Variants in CENPK observed in about 807,000 individuals in gnomAD.
CENPK encodes centromere protein K.
CENPK carries 46 observed loss-of-function variants against 40.9 expected under a neutral mutation model. That is an observed-to-expected ratio of 1.13 (90% CI 0.89 to 1.44). CENPK has a LOEUF of 1.44. Ranked by LOEUF, CENPK falls within the 40% of genes most tolerant of loss-of-function variation. CENPK has a pLI of 0.00. For synonymous variants in CENPK, 107 were observed against 104.4 expected, an observed-to-expected ratio of 1.02 and a Z score of -0.15; for missense variants, 288 against 303.5, an observed-to-expected ratio of 0.95 and a Z score of 0.38.
At chr5:65,514,907 T>C (rs1742756179), downstream of CENPK, among the ~76,000 whole-genome samples, 1 of 152,200 alleles carries the variant, frequency 6.6e-6, no homozygotes, top group Non-Finnish European at 1.5e-5. Flanking sequence ...AGAGTAATAA[T>C]GGCACCTCTT....
At chr5:65,562,052 C>G (rs1752065150) in intron 1 of CENPK, among the ~76,000 whole-genome samples, 1 of 152,116 alleles carries the variant, frequency 6.6e-6, no homozygotes, top group South Asian at 2.1e-4. Flanking sequence ...TACAACACTG[C>G]CTGCAAGTAC....
chr5:65,557,937 G>T (rs565721780), intron 2 of CENPK, among the ~76,000 whole-genome samples: 2 of 152,138 alleles, frequency 1.3e-5, no homozygotes, highest in African/African-American at 4.8e-5. Context: ...TATATGAAAC[G>T]TTTTCAAGAA....
In CENPK at chr5:65,551,664, T is replaced by A. The variant is rs772390543; in HGVS notation, c.169-28A>T. On this transcript the variant is annotated intron_variant, in intron 4 of 10. Transcript: ENST00000396679. ...ACAAAAGAAGAAAACAAAGTCATTT[T>A]CTGTGGACTATTCATACCTATTCAT... 1.5e-5 allele frequency: 19 copies of A among 1,283,104 alleles called. No individual in the cohort carries two copies. In the Admixed American group the frequency reaches 3.8e-4, roughly 26 times the overall value. 79.5% of individuals were successfully genotyped at this position (1,283,104 alleles called of 1,614,324 possible).
chr5:65,558,281 G>A (rs749538691), intron 2 of CENPK, among the ~76,000 whole-genome samples: 7 of 151,946 alleles, frequency 4.6e-5, no homozygotes, highest in Non-Finnish European at 7.4e-5. Flanking sequence ...ATCTTTATAC[G>A]GTACAGTAAA....
In CENPK at chr5:65,522,492, C is replaced by A. The variant is rs776420639; in HGVS notation, c.598-964G>T. Among the ~76,000 whole-genome samples the A allele has an allele frequency of 3.0e-4, 46 of 152,110 alleles. No homozygotes were observed. The Middle Eastern group carries it at 0.02, about 67-fold the overall frequency. On this transcript the variant is annotated intron_variant, in intron 9 of 10. Transcript: ENST00000396679. The stretch of plus-strand genomic sequence containing the variant: ...CACCCAGGCTGGAGTGCAGTGGTGC[C>A]ATCATAGCCCACTGCAGCCTCAACT...
At chr5:65,529,970 A>G (rs1745480460) in intron 6 of CENPK, among the ~76,000 whole-genome samples, 1 of 150,740 alleles carries the variant, frequency 6.6e-6, no homozygotes, top group African/African-American at 2.4e-5. Flanking sequence ...ACGCCCAGCT[A>G]ATTTTTGTAT....
the CENPK span, among the ~76,000 whole-genome samples, chr5:65,508,588 C>T: frequency 6.6e-6 from 1 of 151,950 alleles, no homozygotes; most frequent in African/African-American, 2.4e-5. Flanking sequence ...AGTTCGACAC[C>T]AGCCTGGCCA....
chr5:65,553,435 G>A (rs1474468074), intron 3 of CENPK, among the ~76,000 whole-genome samples: 2 of 151,718 alleles, frequency 1.3e-5, no homozygotes, highest in African/African-American at 4.8e-5. Flanking sequence ...ATCCTGGGCC[G>A]CAGGTTGGAC....
the CENPK span, among the ~76,000 whole-genome samples, chr5:65,503,867 A>AGACTG: frequency 1.3e-5 from 2 of 151,804 alleles, no homozygotes; most frequent in Admixed American, 1.3e-4. Flanking sequence ...CATATTGGTC[A>AGACTG]GACTGGTCTA....
At chr5:65,543,443 C>G (rs193090501) in intron 5 of CENPK, among the ~76,000 whole-genome samples, 1 of 152,198 alleles carries the variant, frequency 6.6e-6, no homozygotes, top group Non-Finnish European at 1.5e-5. Context: ...ATCCTATGTA[C>G]ACATATGTAA....
intron 6 of CENPK, among the ~76,000 whole-genome samples, chr5:65,533,370 T>TAAATAAATAAATAAATAAATAAATAAAA (rs1367099173): frequency 7.3e-5 from 11 of 151,088 alleles, no homozygotes; most frequent in African/African-American, 2.7e-4. Context: ...AATAAATAAA[T>TAAATAAATAAATAAATAAATAAATAAAA]AAAATAACAA....
chr5:65,509,396 T>C, the CENPK span, among the ~76,000 whole-genome samples: 4 of 152,224 alleles, frequency 2.6e-5, no homozygotes, highest in Admixed American at 2.6e-4. Context: ...ATATAGTATA[T>C]AGCATTTTCA....
At chr5:65,521,136 T>C (rs530711468) in intron 10 of CENPK, among the ~76,000 whole-genome samples, 249 of 152,164 alleles carry the variant, frequency 1.6e-3, no homozygotes, top group Non-Finnish European at 2.8e-3. Flanking sequence ...CAGCATAGAA[T>C]TTTACTCTGT....
intron 5 of CENPK, chr5:65,551,249 C>CAAAAAAAAAAAAAAA (rs58442174): frequency 9.4e-6 from 1 of 105,998 alleles, no homozygotes; most frequent in Admixed American, 1.7e-4. Flanking sequence ...GACCCTGTCT[C>CAAAAAAAAAAAAAAA]AAAAAAAAAA....
the CENPK span, among the ~76,000 whole-genome samples, chr5:65,507,354 G>A: frequency 6.6e-6 from 1 of 152,098 alleles, no homozygotes; most frequent in African/African-American, 2.4e-5. Flanking sequence ...AGATAAGCAC[G>A]TTTGGTTTAG....
chr5:65,499,675 T>A, the CENPK span, among the ~76,000 whole-genome samples: 3 of 147,602 alleles, frequency 2.0e-5, no homozygotes, highest in Admixed American at 6.7e-5. Flanking sequence ...TAATTTTTTT[T>A]TTTTTATTAT....
At chr5:65,560,020 C>T (rs1312947831) in intron 2 of CENPK, among the ~76,000 whole-genome samples, 2 of 150,922 alleles carry the variant, frequency 1.3e-5, no homozygotes, top group Non-Finnish European at 3.0e-5. Flanking sequence ...TTATGTCATT[C>T]CTCACTCCCT....
At chr5:65,501,066 T>C in the CENPK span, among the ~76,000 whole-genome samples, 2 of 152,262 alleles carry the variant, frequency 1.3e-5, no homozygotes, top group East Asian at 3.9e-4. Flanking sequence ...CTGGTTATTG[T>C]GCTTCTCATT....
At chr5:65,500,681 T>C in the CENPK span, among the ~76,000 whole-genome samples, 2 of 152,156 alleles carry the variant, frequency 1.3e-5, no homozygotes, top group Admixed American at 1.3e-4. Context: ...TTTGTTTGTT[T>C]GAGATGGAAT....
Sources: gnomAD v4.1 joint callset for allele counts (sites outside exome capture counted in the v4.1 genomes callset) on GRCh38, gnomAD v4.1.1 for gene constraint, MANE v1.5 for transcripts, NCBI Gene and HGNC (gene_info 2026-07-23, HGNC 2026-07-21) for gene names.